The following CERS6 variants were observed in gnomAD, a reference collection of about 807,000 sequenced individuals.
CERS6 encodes ceramide synthase 6.
A neutral mutation model predicts 56.8 loss-of-function variants in CERS6; 26 were observed. The observed-to-expected ratio is 0.46, with a 90% CI of 0.34 to 0.63. The LOEUF is 0.63. Among genes scored for constraint, CERS6 ranks in the 30% least tolerant of loss-of-function variants. The pLI is 0.01. For missense variants in CERS6, 415 were observed against 467.5 expected, an observed-to-expected ratio of 0.89 and a Z score of 1.04; for synonymous variants, 164 against 173.3, an observed-to-expected ratio of 0.95 and a Z score of 0.42.
At chr2:168,466,014 T>TC (rs889555424) in intron 1 of CERS6, among the ~76,000 whole-genome samples, 1 of 151,988 alleles carries the variant, frequency 6.6e-6, no homozygotes, top group Non-Finnish European at 1.5e-5. Flanking sequence ...GCACTGCTTT[T>TC]TTTTTTTTTT....
chr2:168,740,378 C>A (rs1683859047), intron 8 of CERS6, among the ~76,000 whole-genome samples: 1 of 152,168 alleles, frequency 6.6e-6, no homozygotes, highest in South Asian at 2.1e-4. Flanking sequence ...ATTTATCCTA[C>A]AAATATTTGA....
At chr2:168,644,223 G>C in intron 4 of CERS6, 1 of 921,982 alleles carries the variant, frequency 1.1e-6, no homozygotes, top group South Asian at 5.0e-5. Context: ...TTTCAGATAG[G>C]GTGCTCAGGG....
rs1259484765 is a variant in CERS6, at chr2:168,770,788, T to G, written c.*1126T>G. On this transcript the variant is annotated 3_prime_UTR_variant, in exon 10 of 10. Coordinates refer to ENST00000305747, the MANE Select transcript of CERS6 (RefSeq NM_203463.3). The stretch of plus-strand genomic sequence containing the variant: ...ACTATTTTACCCTTTGCTTTTCTCC[T>G]TAAACGTAATCCAGATGACTTTCCT... 6.6e-6 allele frequency: 1 copy of G among 152,580 alleles called. No individual in the cohort carries two copies. Among genetic ancestry groups the G allele is most frequent in the Non-Finnish European group, 1.5e-5 (1 of 68,036 alleles). The allele number at this position is 152,580 out of a possible 1,614,324, so 9.5% of individuals were successfully genotyped here.
Position 168,746,797 on chromosome 2 carries a change from A to G in CERS6, c.846-18795A>G, listed in dbSNP as rs891684182. ...AGGGTATATATATATATATATATAT[A>G]TATATATATATATATATATATATAA... On this transcript the variant is annotated intron_variant, in intron 8 of 9. Transcript: ENST00000305747. 5.7e-3 allele frequency among the ~76,000 whole-genome samples: 614 copies of G among 106,860 alleles called. 12 individuals are homozygous for G. Among genetic ancestry groups the G allele is most frequent in the African/African-American group, 0.021 (582 of 27,132 alleles). 70.1% of individuals were successfully genotyped at this position (106,860 alleles called of 152,430 possible).
rs1424282164 is a variant in CERS6 at position 168,771,744 on chromosome 2, A to G, written c.*2082A>G. ...ATCCATGTGTTCAGGTTTAGATCATATGACACTCGAGCACAGAAGAATAAT... is the reference window on the plus strand; with the variant it reads ...ATCCATGTGTTCAGGTTTAGATCATGTGACACTCGAGCACAGAAGAATAAT... On this transcript the variant is annotated 3_prime_UTR_variant, in exon 10 of 10. Coordinates refer to ENST00000305747, the MANE Select transcript of CERS6 (RefSeq NM_203463.3). The G allele has an allele frequency of 6.6e-6, 1 of 152,244 alleles. No homozygotes were observed. The highest frequency in any genetic ancestry group is 1.5e-5 in the Non-Finnish European group (1 of 68,044). 9.4% of individuals were successfully genotyped at this position (152,244 alleles called of 1,614,324 possible).
chr2:168,719,913 T>C (rs1026771555), intron 8 of CERS6, among the ~76,000 whole-genome samples: 1 of 152,092 alleles, frequency 6.6e-6, no homozygotes, highest in African/African-American at 2.4e-5. Flanking sequence ...TTAAATAACA[T>C]ATTTAACTCA....
rs1558955420 is a variant in CERS6 at position 168,456,378 on chromosome 2, C to T, written c.-71C>T. 2 of 1,273,830 alleles carry T rather than the reference C, an allele frequency of 1.6e-6. No individual in the cohort carries two copies. The highest frequency in any genetic ancestry group is 2.6e-5 in the Admixed American group (1 of 37,748). The allele number at this position is 1,273,830 out of a possible 1,614,324, so 78.9% of individuals were successfully genotyped here. ...GGCTCGGGGCCAGCCGGGCGCGCAT[C>T]CCCGGGCGCCCTGCGCGGTGGAGAG... is the stretch of plus-strand genomic sequence containing the variant. On this transcript the variant is annotated 5_prime_UTR_variant, in exon 1 of 10. Coordinates refer to ENST00000305747, the MANE Select transcript of CERS6 (RefSeq NM_203463.3). This position sits in a 1 kb window ranked among gnomAD's most constrained non-coding sequence, Gnocchi z 4.1.
chr2:168,743,551 C>G (rs1212563176), intron 8 of CERS6, among the ~76,000 whole-genome samples: 3 of 151,604 alleles, frequency 2.0e-5, no homozygotes, highest in Non-Finnish European at 2.9e-5. Context: ...GAGACTGTCT[C>G]AAAAAAATAA....
At chr2:168,579,504 T>C (rs1315106037) in intron 3 of CERS6, among the ~76,000 whole-genome samples, 4 of 152,194 alleles carry the variant, frequency 2.6e-5, no homozygotes, top group Non-Finnish European at 5.9e-5. Flanking sequence ...CTAGTAAGAA[T>C]GAACTGCTCA....
intron 6 of CERS6, among the ~76,000 whole-genome samples, chr2:168,708,379 T>C (rs537143434): frequency 1.3e-5 from 2 of 152,292 alleles, no homozygotes; most frequent in African/African-American, 4.8e-5. Flanking sequence ...TATTGATCCC[T>C]AAAAAGAAAA....
chr2:168,522,087 A>G (rs1431695312), intron 1 of CERS6, among the ~76,000 whole-genome samples: 1 of 152,048 alleles, frequency 6.6e-6, no homozygotes, highest in African/African-American at 2.4e-5. Flanking sequence ...TATTTTTGTG[A>G]CTTTGTTTGG....
At chr2:168,763,542 G>A (rs1213796028) in intron 8 of CERS6, among the ~76,000 whole-genome samples, 4 of 152,080 alleles carry the variant, frequency 2.6e-5, no homozygotes, top group African/African-American at 4.8e-5. Context: ...GATTACAGGC[G>A]TGAGCCATCG....
chr2:168,746,821 A>ATGT (rs1559078615), intron 8 of CERS6, among the ~76,000 whole-genome samples: 16 of 64,926 alleles, frequency 2.5e-4, no homozygotes, highest in Non-Finnish European at 2.9e-4. Flanking sequence ...ATATATATAT[A>ATGT]AAATCATCTT....
intron 1 of CERS6, among the ~76,000 whole-genome samples, chr2:168,507,244 A>G (rs961146379): frequency 6.6e-6 from 1 of 152,188 alleles, no homozygotes; most frequent in Non-Finnish European, 1.5e-5. Context: ...TTCAGTTTAT[A>G]ATGTCATCAT....
intron 3 of CERS6, among the ~76,000 whole-genome samples, chr2:168,562,957 T>C (rs749836918): frequency 1.3e-5 from 2 of 152,150 alleles, no homozygotes; most frequent in South Asian, 4.1e-4. Flanking sequence ...AAGGGTGAAG[T>C]TGGGTCTCAG....
At chr2:168,554,172 T>C (rs902249469) in intron 2 of CERS6, among the ~76,000 whole-genome samples, 1 of 150,828 alleles carries the variant, frequency 6.6e-6, no homozygotes, top group African/African-American at 2.4e-5. Context: ...AAAAAAAAAA[T>C]GTAGTGAAAT....
intron 1 of CERS6, among the ~76,000 whole-genome samples, chr2:168,529,157 A>G (rs532786305): frequency 1.2e-4 from 18 of 152,284 alleles, no homozygotes; most frequent in South Asian, 4.1e-4. Flanking sequence ...TTGAGAATCA[A>G]CTTTCTTAAT....
intron 4 of CERS6, among the ~76,000 whole-genome samples, chr2:168,665,665 AGAAGCTCTGT>A (rs1257619472): frequency 6.6e-6 from 1 of 152,148 alleles, no homozygotes; most frequent in East Asian, 1.9e-4. Context: ...ACAGTAAAAT[AGAAGCTCTGT>A]GAGGCCAAGT....
At chr2:168,460,452 C>T (rs1228453282) in intron 1 of CERS6, among the ~76,000 whole-genome samples, 2 of 152,162 alleles carry the variant, frequency 1.3e-5, no homozygotes, top group Non-Finnish European at 2.9e-5. Context: ...CCACCTTGGC[C>T]TCCCAAAGTG....
Sources: allele counts gnomAD v4.1 joint callset (sites outside exome capture counted in the v4.1 genomes callset), GRCh38; gene constraint gnomAD v4.1.1; non-coding constraint Gnocchi (gnomAD v3.1); transcripts MANE v1.5; gene names NCBI Gene and HGNC (gene_info 2026-07-23, HGNC 2026-07-21).